The following FGF14 variants were observed in gnomAD, a reference collection of about 807,000 sequenced individuals.
FGF14 encodes the protein fibroblast growth factor homologous factor 4.
In FGF14, 5 loss-of-function variants were observed where a neutral mutation model predicts 25.5. The ratio of observed to expected loss-of-function variants is 0.20; its 90% CI spans 0.10 to 0.41. The LOEUF is 0.41. FGF14 is among the 10% of genes least tolerant of loss of function. The probability of loss-of-function intolerance (pLI) is 1.00; values close to 1 mark genes in which losing one functional copy is unlikely to be tolerated. For synonymous variants in FGF14, 138 were observed against 118.3 expected (o/e 1.17, Z -1.08); for missense variants, 222 against 320.1 (o/e 0.69, Z 2.34).
intron 1 of FGF14, among the ~76,000 whole-genome samples, chr13:102,330,818 C>A (rs563268232): frequency 4.7e-4 from 71 of 152,268 alleles, no homozygotes; most frequent in African/African-American, 1.7e-3. Context: ...GTATTTATTT[C>A]TTCACTATCT....
At chr13:102,193,452 T>C (rs1406229266) in intron 1 of FGF14, among the ~76,000 whole-genome samples, 1 of 152,194 alleles carries the variant, frequency 6.6e-6, no homozygotes, top group Non-Finnish European at 1.5e-5. Context: ...GCAACACACA[T>C]GTGCAGGAAG....
chr13:102,076,510 G>A (rs1259407485), intron 1 of FGF14, among the ~76,000 whole-genome samples: 1 of 152,008 alleles, frequency 6.6e-6, no homozygotes, highest in African/African-American at 2.4e-5. Context: ...ACATTTCTCA[G>A]AACATATCCC....
rs554045008 is a variant in FGF14, at chr13:102,001,060, G to A, written c.209-125764C>T. 5.9e-5 allele frequency among the ~76,000 whole-genome samples: 9 copies of A among 152,190 alleles called. 1 individual carries two copies. In the South Asian group the frequency reaches 1.7e-3, roughly 28 times the overall value. Reference sequence around the variant, plus strand: ...GAAGAATAGAGTCAGGAAACAGAGAGCATAAATAGCAAAAAGTGATGTCAT... The same window carrying A: ...GAAGAATAGAGTCAGGAAACAGAGAACATAAATAGCAAAAAGTGATGTCAT... On this transcript the variant is annotated intron_variant, in intron 1 of 4. Transcript: ENST00000376131.
At chr13:101,873,046 T>G (rs2045200280) in intron 2 of FGF14, among the ~76,000 whole-genome samples, 1 of 151,790 alleles carries the variant, frequency 6.6e-6, no homozygotes, top group African/African-American at 2.4e-5. Flanking sequence ...AAAAAACATA[T>G]ATTTACAGAA....
At chr13:102,107,152 C>CA (rs5806266) in intron 1 of FGF14, among the ~76,000 whole-genome samples, 59,225 of 151,908 alleles carry the variant, frequency 0.39, 13,706 homozygotes, top group Non-Finnish European at 0.52. Context: ...AACCAGTTTG[C>CA]CTTGTATTCC....
At chr13:101,907,910 G>A (rs1045900632) in intron 1 of FGF14, among the ~76,000 whole-genome samples, 2 of 152,082 alleles carry the variant, frequency 1.3e-5, no homozygotes, top group Non-Finnish European at 2.9e-5. Flanking sequence ...ACAGCACTAG[G>A]AGTTTATCCC....
chr13:101,750,335 T>C (rs11069458), intron 3 of FGF14, among the ~76,000 whole-genome samples: 116,390 of 151,962 alleles, frequency 0.77, 45,039 homozygotes, highest in Non-Finnish European at 0.82. Flanking sequence ...TATAGAGCAC[T>C]TGACTATATT....
chr13:101,738,736 T>C lies in FGF14; in HGVS notation c.409-11926A>G, dbSNP rs553363631. Among the ~76,000 whole-genome samples, 57 of 152,188 alleles carry C rather than the reference T, an allele frequency of 3.7e-4. 1 individual carries two copies. In the South Asian group the frequency reaches 8.1e-3, roughly 22 times the overall value. Reference sequence around the variant, plus strand: ...AAAAATCAGCAGTGAATTTTCATATTATATTATGAAATGTTATAGAAATTA... The same window carrying C: ...AAAAATCAGCAGTGAATTTTCATATCATATTATGAAATGTTATAGAAATTA... On this transcript the variant is annotated intron_variant, in intron 3 of 4. Coordinates refer to ENST00000376143, the MANE Select transcript of FGF14 (RefSeq NM_004115.4).
chr13:102,285,651 A>T (rs1207969956), intron 1 of FGF14, among the ~76,000 whole-genome samples: 1 of 152,218 alleles, frequency 6.6e-6, no homozygotes, highest in Admixed American at 6.5e-5. Flanking sequence ...GATAAGATAA[A>T]TCTCTGTGAA....
chr13:102,238,274 C>G (rs1052566641), intron 1 of FGF14, among the ~76,000 whole-genome samples: 7 of 152,066 alleles, frequency 4.6e-5, no homozygotes, highest in African/African-American at 1.7e-4. Context: ...TGCCACAATT[C>G]AAAATAAAAC....
intron 1 of FGF14, among the ~76,000 whole-genome samples, chr13:102,262,835 T>C (rs1177416817): frequency 6.6e-6 from 1 of 152,200 alleles, no homozygotes; most frequent in Non-Finnish European, 1.5e-5. Flanking sequence ...GATTGATTGA[T>C]TTTTAAGTGA....
intron 1 of FGF14, among the ~76,000 whole-genome samples, chr13:102,364,410 T>C (rs2057651849): frequency 6.6e-6 from 1 of 152,160 alleles, no homozygotes; most frequent in Non-Finnish European, 1.5e-5. Flanking sequence ...TGCTCACATA[T>C]TCACAGTAAC....
At chr13:102,192,129 G>T (rs1338271506) in intron 1 of FGF14, among the ~76,000 whole-genome samples, 1 of 152,150 alleles carries the variant, frequency 6.6e-6, no homozygotes, top group East Asian at 1.9e-4. Context: ...CTGAGGCAAT[G>T]GTCCCACCCT....
intron 1 of FGF14, among the ~76,000 whole-genome samples, chr13:102,219,293 C>T (rs2050507628): frequency 1.3e-5 from 2 of 152,156 alleles, no homozygotes; most frequent in Non-Finnish European, 2.9e-5. Flanking sequence ...TGGAGTCTCC[C>T]ATTGCCTGCT....
chr13:101,968,523 A>C (rs932383933), intron 1 of FGF14, among the ~76,000 whole-genome samples: 2 of 151,936 alleles, frequency 1.3e-5, no homozygotes, highest in African/African-American at 4.8e-5. Flanking sequence ...AATACAAAAA[A>C]TTAGCCAGGC....
At chr13:101,949,946 C>CAA (rs1310052507) in intron 1 of FGF14, among the ~76,000 whole-genome samples, 1 of 152,138 alleles carries the variant, frequency 6.6e-6, no homozygotes, top group Non-Finnish European at 1.5e-5. Context: ...AGGTCTTGGG[C>CAA]AGGTGGCAGG....
chr13:102,231,265 T>C (rs944458908), intron 1 of FGF14, among the ~76,000 whole-genome samples: 1 of 152,168 alleles, frequency 6.6e-6, no homozygotes, highest in Non-Finnish European at 1.5e-5. Flanking sequence ...ATCAACAGCT[T>C]ATCAAGGTCA....
chr13:102,355,030 G>A (rs144170245), intron 1 of FGF14, among the ~76,000 whole-genome samples: 2 of 152,174 alleles, frequency 1.3e-5, no homozygotes, highest in African/African-American at 2.4e-5. Flanking sequence ...CACTGTCATG[G>A]AACTATTTGC....
At chr13:102,183,016 G>A (rs1482079275) in intron 1 of FGF14, among the ~76,000 whole-genome samples, 1 of 152,058 alleles carries the variant, frequency 6.6e-6, no homozygotes. Context: ...GGGGAGTGCT[G>A]ACTTAAATTT....
Sources: gnomAD v4.1 joint callset for allele counts (sites outside exome capture counted in the v4.1 genomes callset) on GRCh38, gnomAD v4.1.1 for gene constraint, MANE v1.5 for transcripts, NCBI Gene and HGNC (gene_info 2026-07-23, HGNC 2026-07-21) for gene names.